FBXL7: variants seen among roughly 807,000 people sequenced by gnomAD.
FBXL7 encodes the protein F-box/LRR-repeat protein 7.
In FBXL7, 12 loss-of-function variants were observed where a neutral mutation model predicts 38.3. The ratio of observed to expected loss-of-function variants is 0.31; its 90% CI spans 0.20 to 0.51. The LOEUF is 0.51. Ranked by LOEUF, FBXL7 falls within the 20% of genes least tolerant of loss-of-function variation. The probability of loss-of-function intolerance (pLI) is 0.98; values close to 1 mark genes in which losing one functional copy is unlikely to be tolerated. For synonymous variants in FBXL7, 297 were observed against 300.9 expected (o/e 0.99, Z 0.13); for missense variants, 567 against 676.4 (o/e 0.84, Z 1.79).
At chr5:15,656,677 A>G (rs1419742101) in intron 2 of FBXL7, among the ~76,000 whole-genome samples, 1 of 151,994 alleles carries the variant, frequency 6.6e-6, no homozygotes, top group Non-Finnish European at 1.5e-5. Flanking sequence ...ACAAGAAAAC[A>G]TTGTTTTGTA....
At chr5:15,684,377 T>C (rs1400580291) in intron 2 of FBXL7, among the ~76,000 whole-genome samples, 1 of 152,046 alleles carries the variant, frequency 6.6e-6, no homozygotes, top group East Asian at 1.9e-4. Flanking sequence ...ACACATAGAT[T>C]TGGATGATTT....
chr5:15,865,220 G>T (rs1325608014), intron 2 of FBXL7, among the ~76,000 whole-genome samples: 1 of 152,148 alleles, frequency 6.6e-6, no homozygotes, highest in Non-Finnish European at 1.5e-5. Flanking sequence ...TGGGAGAGGA[G>T]TAACGCCCTG....
intron 1 of FBXL7, among the ~76,000 whole-genome samples, chr5:15,531,525 T>G (rs532260390): frequency 2.9e-4 from 44 of 152,216 alleles, no homozygotes; most frequent in Non-Finnish European, 6.0e-4. Context: ...AATGGCTGGT[T>G]GTTTGGTCTG....
chr5:15,538,620 A>G (rs1241392554), intron 1 of FBXL7, among the ~76,000 whole-genome samples: 2 of 152,226 alleles, frequency 1.3e-5, no homozygotes, highest in Admixed American at 1.3e-4. Context: ...TCATGAGCTC[A>G]GAATATTAAT....
In FBXL7 at chr5:15,928,014, G is replaced by A. The variant is rs369426642; in HGVS notation, c.252G>A (p.Thr84=). ...STSSSSITGE[T]VAMVHSPPPT... ...CCTCGTCCTCCATCACCGGGGAGAC[G>A]GTGGCCATGGTGCACTCCCCGCCCC... The change falls in exon 3 of 4, where the codon ACG becomes ACA. Residue 84 remains threonine, a synonymous_variant. Coordinates refer to ENST00000504595, the MANE Select transcript of FBXL7 (RefSeq NM_012304.5). This position sits in a 1 kb window ranked among gnomAD's most constrained non-coding sequence, Gnocchi z 4.0. 112 of 1,603,920 alleles carry A rather than the reference G, an allele frequency of 7.0e-5. 1 individual carries two copies. Among genetic ancestry groups the A allele is most frequent in the Non-Finnish European group, 8.5e-5 (100 of 1,173,732 alleles).
intron 1 of FBXL7, among the ~76,000 whole-genome samples, chr5:15,510,678 C>T (rs990024301): frequency 2.6e-5 from 4 of 152,190 alleles, no homozygotes; most frequent in African/African-American, 9.6e-5. Context: ...ACTTAACTCT[C>T]TTTTCTTCAA....
At chr5:15,620,230 CTTTT>C (rs796293132) in intron 2 of FBXL7, among the ~76,000 whole-genome samples, 1 of 134,136 alleles carries the variant, frequency 7.5e-6, no homozygotes, top group South Asian at 2.4e-4. Context: ...TTCTTTTTTT[CTTTT>C]TTTTTTTTTT....
At chr5:15,654,551 A>G (rs181611466) in intron 2 of FBXL7, among the ~76,000 whole-genome samples, 1 of 152,188 alleles carries the variant, frequency 6.6e-6, no homozygotes, top group East Asian at 1.9e-4. Context: ...TTTGATGTCT[A>G]TTACTAATGG....
At chr5:15,580,344 C>A (rs1490024815) in intron 1 of FBXL7, among the ~76,000 whole-genome samples, 1 of 152,032 alleles carries the variant, frequency 6.6e-6, no homozygotes, top group Non-Finnish European at 1.5e-5. Context: ...TTGTTATAGC[C>A]CAAGTGAAAT....
chr5:15,685,146 C>T (rs1427918958), intron 2 of FBXL7, among the ~76,000 whole-genome samples: 1 of 152,032 alleles, frequency 6.6e-6, no homozygotes, highest in Non-Finnish European at 1.5e-5. Flanking sequence ...ACAGAATTGC[C>T]TTTTTCTTGA....
In FBXL7 at chr5:15,601,062, T is replaced by G. The variant is rs907532056; in HGVS notation, c.38-14921T>G. Among the ~76,000 whole-genome samples the G allele has an allele frequency of 2.6e-5, 4 of 152,194 alleles. No individual in the cohort carries two copies. The East Asian group carries it at 7.7e-4, about 29-fold the overall frequency. ...CTGAGATGGCTTGGTTATGGAATTG[T>G]GTGTAACATGGGATGCTGAATGAAT... On this transcript the variant is annotated intron_variant, in intron 1 of 3. Coordinates refer to ENST00000504595, the MANE Select transcript of FBXL7 (RefSeq NM_012304.5).
At chr5:15,720,581 C>G (rs1744167129) in intron 2 of FBXL7, among the ~76,000 whole-genome samples, 1 of 148,136 alleles carries the variant, frequency 6.8e-6, no homozygotes. Context: ...GCATTTATAC[C>G]TAGCTAATTT....
At chr5:15,822,440 C>T (rs916516987) in intron 2 of FBXL7, among the ~76,000 whole-genome samples, 2 of 152,092 alleles carry the variant, frequency 1.3e-5, no homozygotes, top group African/African-American at 4.8e-5. Flanking sequence ...AGGCTGCTTT[C>T]CAGGGCAGCT....
intron 1 of FBXL7, among the ~76,000 whole-genome samples, chr5:15,518,139 C>T (rs1300279820): frequency 6.6e-6 from 1 of 152,080 alleles, no homozygotes. Context: ...TACAGGCCCA[C>T]ACCACCATGC....
At chr5:15,778,175 C>G (rs2126718035) in intron 2 of FBXL7, among the ~76,000 whole-genome samples, 1 of 152,114 alleles carries the variant, frequency 6.6e-6, no homozygotes, top group Non-Finnish European at 1.5e-5. Context: ...TATACTTTCT[C>G]TATAATAAGG....
intron 1 of FBXL7, among the ~76,000 whole-genome samples, chr5:15,501,026 G>C (rs1420696186): frequency 6.6e-6 from 1 of 152,204 alleles, no homozygotes; most frequent in Non-Finnish European, 1.5e-5. Flanking sequence ...TGGGGTTTAG[G>C]AGATGATGGT....
At chr5:15,900,723 G>A (rs1005372087) in intron 2 of FBXL7, among the ~76,000 whole-genome samples, 3 of 152,160 alleles carry the variant, frequency 2.0e-5, no homozygotes, top group African/African-American at 7.2e-5. Context: ...AAGAATTGAA[G>A]TAGTATGGAC....
At chr5:15,703,396 A>T (rs1034332121) in intron 2 of FBXL7, among the ~76,000 whole-genome samples, 8 of 152,228 alleles carry the variant, frequency 5.3e-5, no homozygotes, top group African/African-American at 1.7e-4. Context: ...AGAAAACCAA[A>T]TTTTTCTGGA....
At chr5:15,610,344 TG>T (rs1309795995) in intron 1 of FBXL7, among the ~76,000 whole-genome samples, 1 of 152,198 alleles carries the variant, frequency 6.6e-6, no homozygotes, top group East Asian at 1.9e-4. Context: ...AGTGTCACCA[TG>T]GGGTGGCTTC....
Sources: gnomAD v4.1 joint callset for allele counts (sites outside exome capture counted in the v4.1 genomes callset) on GRCh38, gnomAD v4.1.1 for gene constraint, Gnocchi (gnomAD v3.1) non-coding constraint, MANE v1.5 for transcripts, NCBI Gene and HGNC (gene_info 2026-07-23, HGNC 2026-07-21) for gene names.